KCTD16: variants seen among roughly 807,000 people sequenced by gnomAD.
KCTD16 encodes the protein potassium channel tetramerization domain containing 16.
A neutral mutation model predicts 33.2 loss-of-function variants in KCTD16; 13 were observed. The ratio of observed to expected loss-of-function variants is 0.39; its 90% CI spans 0.25 to 0.62. The LOEUF (loss-of-function observed/expected upper bound fraction) is 0.62. Ranked by LOEUF, KCTD16 falls within the 20% of genes least tolerant of loss-of-function variation. The probability of loss-of-function intolerance (pLI) is 0.50; values close to 1 mark genes in which losing one functional copy is unlikely to be tolerated. For synonymous variants in KCTD16, 197 were observed against 195.3 expected (o/e 1.01, Z -0.07); for missense variants, 441 against 525.1 (o/e 0.84, Z 1.57).
intron 3 of KCTD16, among the ~76,000 whole-genome samples, chr5:144,244,850 G>C (rs994821608): frequency 2.0e-5 from 3 of 152,044 alleles, no homozygotes; most frequent in Non-Finnish European, 4.4e-5. Flanking sequence ...TCCCCTCCTA[G>C]GATGGTTTTG....
intron 3 of KCTD16, among the ~76,000 whole-genome samples, chr5:144,309,364 C>CA (rs1561562120): frequency 6.8e-6 from 1 of 146,372 alleles, no homozygotes; most frequent in African/African-American, 2.7e-5. Flanking sequence ...ATCTCCTCCA[C>CA]ATTTTTTTTT....
chr5:144,211,540 A>G (rs1182631988), intron 3 of KCTD16, among the ~76,000 whole-genome samples: 2 of 152,322 alleles, frequency 1.3e-5, no homozygotes, highest in Non-Finnish European at 2.9e-5. Context: ...ACATTAGGCT[A>G]TGTGTATAAT....
chr5:144,453,991 G>A (rs1420042303), intron 3 of KCTD16, among the ~76,000 whole-genome samples: 1 of 152,048 alleles, frequency 6.6e-6, no homozygotes, highest in African/African-American at 2.4e-5. Flanking sequence ...TAGCAGATGG[G>A]GAAAAGATAA....
At chr5:144,292,647 A>G (rs1412467707) in intron 3 of KCTD16, among the ~76,000 whole-genome samples, 1 of 152,202 alleles carries the variant, frequency 6.6e-6, no homozygotes, top group Non-Finnish European at 1.5e-5. Context: ...GAAGCTAGGA[A>G]TTTGAAAGCC....
chr5:144,195,603 A>C (rs1399875887), intron 2 of KCTD16, among the ~76,000 whole-genome samples: 1 of 152,242 alleles, frequency 6.6e-6, no homozygotes, highest in Admixed American at 6.5e-5. Context: ...TCACTGGCTG[A>C]GAACCAAATA....
intron 3 of KCTD16, among the ~76,000 whole-genome samples, chr5:144,297,908 T>C (rs963220596): frequency 6.6e-6 from 1 of 152,230 alleles, no homozygotes; most frequent in African/African-American, 2.4e-5. Flanking sequence ...AATTGCACTC[T>C]TCTGGTCCAA....
intron 3 of KCTD16, among the ~76,000 whole-genome samples, chr5:144,460,909 C>A (rs1754178859): frequency 6.6e-6 from 1 of 152,124 alleles, no homozygotes; most frequent in Admixed American, 6.5e-5. Context: ...CATTATTATA[C>A]AAATACCAGA....
intron 3 of KCTD16, among the ~76,000 whole-genome samples, chr5:144,295,689 T>C (rs1756016494): frequency 6.6e-6 from 1 of 152,182 alleles, no homozygotes; most frequent in Non-Finnish European, 1.5e-5. Flanking sequence ...ACTTTGCAGA[T>C]GTAATTAAGG....
intron 2 of KCTD16, among the ~76,000 whole-genome samples, chr5:144,203,777 G>T (rs1388154167): frequency 1.3e-5 from 2 of 152,164 alleles, no homozygotes; most frequent in South Asian, 4.1e-4. Context: ...TCTTTGACCT[G>T]ATGTCAACGA....
intron 3 of KCTD16, among the ~76,000 whole-genome samples, chr5:144,343,413 T>C (rs1307201648): frequency 6.6e-6 from 1 of 152,204 alleles, no homozygotes; most frequent in Non-Finnish European, 1.5e-5. Flanking sequence ...TTCTGTGGGA[T>C]TGGTGGTGAT....
chr5:144,213,393 T>C (rs2126796109), intron 3 of KCTD16, among the ~76,000 whole-genome samples: 1 of 151,724 alleles, frequency 6.6e-6, no homozygotes, highest in African/African-American at 2.4e-5. Flanking sequence ...CTTTCTTTCT[T>C]TCTCTCTCTT....
At chr5:144,271,030 GTCTT>G (rs1755278367) in intron 3 of KCTD16, among the ~76,000 whole-genome samples, 1 of 151,862 alleles carries the variant, frequency 6.6e-6, no homozygotes, top group Non-Finnish European at 1.5e-5. Flanking sequence ...GTAATCAAAA[GTCTT>G]TCAACAAAGA....
chr5:144,457,613 T>C (rs928273025), intron 3 of KCTD16, among the ~76,000 whole-genome samples: 3 of 152,202 alleles, frequency 2.0e-5, no homozygotes, highest in Admixed American at 6.5e-5. Flanking sequence ...CAAGAGCCTC[T>C]TCTCTCCTGT....
chr5:144,396,636 A>G (rs1434916497), intron 3 of KCTD16, among the ~76,000 whole-genome samples: 3 of 152,152 alleles, frequency 2.0e-5, no homozygotes, highest in African/African-American at 7.2e-5. Context: ...TACACGTGAC[A>G]TATTCACATA....
intron 3 of KCTD16, among the ~76,000 whole-genome samples, chr5:144,453,158 T>C (rs916379316): frequency 1.3e-5 from 2 of 152,072 alleles, no homozygotes; most frequent in African/African-American, 2.4e-5. Flanking sequence ...AGGGCCGCCA[T>C]TTTCTCTACA....
rs78250787 is a variant in KCTD16, at chr5:144,431,799, C to T, written c.833-41861C>T. Among the ~76,000 whole-genome samples the T allele has an allele frequency of 5.2e-3, 789 of 152,238 alleles. 5 individuals carry two copies. Among genetic ancestry groups the T allele is most frequent in the African/African-American group, 0.018 (758 of 41,566 alleles). ...GTACAAAATAGATAATACATGCACT[C>T]AATAACTTGAATTATTTGTACGTTA... On this transcript the variant is annotated intron_variant, in intron 3 of 3. Transcript: ENST00000512467.
intron 3 of KCTD16, among the ~76,000 whole-genome samples, chr5:144,291,825 A>G (rs1435256311): frequency 1.3e-5 from 2 of 152,228 alleles, no homozygotes; most frequent in African/African-American, 4.8e-5. Flanking sequence ...CAGCTACCAC[A>G]TACCGTGTAA....
Position 144,416,585 on chromosome 5 carries a change from T to C in KCTD16, c.833-57075T>C, listed in dbSNP as rs139734586. Among the ~76,000 whole-genome samples, 72 of 152,338 alleles carry C rather than the reference T, an allele frequency of 4.7e-4. 1 individual carries two copies. The East Asian group carries it at 0.012, about 26-fold the overall frequency. On this transcript the variant is annotated intron_variant, in intron 3 of 3. Transcript: ENST00000512467. ...GAAATTAAATTGGCTTTGAATTTTA[T>C]AGATGACAAAATTCTTTTACTTAAA...
intron 3 of KCTD16, among the ~76,000 whole-genome samples, chr5:144,281,062 G>A (rs1410556159): frequency 6.7e-6 from 1 of 148,976 alleles, no homozygotes; most frequent in East Asian, 1.9e-4. Flanking sequence ...GGAGCCTGTA[G>A]TTCCAGCTAC....
Sources: gnomAD v4.1 joint callset for allele counts (sites outside exome capture counted in the v4.1 genomes callset) on GRCh38, gnomAD v4.1.1 for gene constraint, MANE v1.5 for transcripts, NCBI Gene and HGNC (gene_info 2026-07-23, HGNC 2026-07-21) for gene names.